Variants in SYT1 observed in about 807,000 individuals in gnomAD.
SYT1 encodes the protein synaptotagmin 1.
A neutral mutation model predicts 44.8 loss-of-function variants in SYT1; 8 were observed. That is an observed-to-expected ratio of 0.18 (90% confidence interval 0.10 to 0.32). The LOEUF (loss-of-function observed/expected upper bound fraction) is 0.32. Ranked by LOEUF, SYT1 falls within the 10% of genes least tolerant of loss-of-function variation. The probability of loss-of-function intolerance (pLI) is 1.00; values close to 1 mark genes in which losing one functional copy is unlikely to be tolerated. For missense variants in SYT1, 286 were observed against 509.3 expected, an observed-to-expected ratio of 0.56 and a Z score of 4.22; for synonymous variants, 154 against 188.8, an observed-to-expected ratio of 0.82 and a Z score of 1.51.
At chr12:79,318,594 C>G (rs1163790529) in intron 8 of SYT1, among the ~76,000 whole-genome samples, 3 of 152,192 alleles carry the variant, frequency 2.0e-5, no homozygotes, top group Admixed American at 6.5e-5. Flanking sequence ...CTCTAGTCAA[C>G]TTTTCTTATT....
intron 9 of SYT1, among the ~76,000 whole-genome samples, chr12:79,437,666 T>C (rs1258145678): frequency 6.6e-6 from 1 of 152,212 alleles, no homozygotes; most frequent in Non-Finnish European, 1.5e-5. Flanking sequence ...GTTTACTTTA[T>C]ATTATTTGTT....
intron 3 of SYT1, among the ~76,000 whole-genome samples, chr12:79,163,737 A>G (rs1871088840): frequency 6.6e-6 from 1 of 152,078 alleles, no homozygotes; most frequent in South Asian, 2.1e-4. Context: ...GCCATCACCA[A>G]TGAATACCCT....
At chr12:79,388,299 T>C (rs986923158) in intron 9 of SYT1, among the ~76,000 whole-genome samples, 3 of 152,200 alleles carry the variant, frequency 2.0e-5, no homozygotes, top group Non-Finnish European at 4.4e-5. Flanking sequence ...CTATGTCCTT[T>C]TCCTCTTCAA....
At chr12:79,062,462 T>G (rs1875463542) in intron 3 of SYT1, among the ~76,000 whole-genome samples, 1 of 152,138 alleles carries the variant, frequency 6.6e-6, no homozygotes, top group Non-Finnish European at 1.5e-5. Flanking sequence ...GGGTGGTGAG[T>G]GCTTATTATC....
chr12:79,040,454 A>G (rs1436604369), intron 2 of SYT1, among the ~76,000 whole-genome samples: 1 of 151,900 alleles, frequency 6.6e-6, no homozygotes, highest in African/African-American at 2.4e-5. Context: ...TCCTTCACCC[A>G]CTTTTTGATG....
chr12:79,053,834 A>C (rs1565784042), intron 3 of SYT1, among the ~76,000 whole-genome samples: 1 of 151,870 alleles, frequency 6.6e-6, no homozygotes, highest in Non-Finnish European at 1.5e-5. Context: ...AAACAACCAA[A>C]GTTGTTGGTT....
chr12:78,870,921 C>T (rs551330731), intron 1 of SYT1, among the ~76,000 whole-genome samples: 1 of 152,128 alleles, frequency 6.6e-6, no homozygotes, highest in South Asian at 2.1e-4. Flanking sequence ...CTTACGTGAA[C>T]ACTTTTAAAA....
chr12:79,377,405 G>C (rs551692438), intron 9 of SYT1, among the ~76,000 whole-genome samples: 14 of 152,222 alleles, frequency 9.2e-5, no homozygotes, highest in African/African-American at 3.1e-4. Flanking sequence ...GTGTTTTAAG[G>C]TGTTTATTTT....
chr12:79,086,268 A>C (rs77141509), intron 3 of SYT1, among the ~76,000 whole-genome samples: 1,587 of 152,140 alleles, frequency 0.01, 20 homozygotes, highest in Middle Eastern at 0.075. Context: ...GTGTATAGGT[A>C]TATGTGTGTG....
At chr12:78,926,295 GC>G (rs764232586) in intron 1 of SYT1, among the ~76,000 whole-genome samples, 2 of 152,054 alleles carry the variant, frequency 1.3e-5, no homozygotes, top group East Asian at 3.9e-4. Flanking sequence ...TAAAGAGAAA[GC>G]TTTGATTCTG....
intron 3 of SYT1, among the ~76,000 whole-genome samples, chr12:79,063,275 T>C (rs1437854195): frequency 6.6e-6 from 1 of 152,178 alleles, no homozygotes; most frequent in Non-Finnish European, 1.5e-5. Context: ...GCTTCTATTT[T>C]ATCAGGGGAG....
At chr12:79,179,067 G>T (rs180673268) in intron 3 of SYT1, among the ~76,000 whole-genome samples, 86 of 23,922 alleles carry the variant, frequency 3.6e-3, no homozygotes, top group Non-Finnish European at 8.6e-3. Flanking sequence ...TATAGATATA[G>T]ATATATAGAT....
intron 3 of SYT1, among the ~76,000 whole-genome samples, chr12:79,113,308 G>A (rs1879111213): frequency 6.6e-6 from 1 of 152,082 alleles, no homozygotes; most frequent in African/African-American, 2.4e-5. Context: ...AAATAAAATA[G>A]GAAAGTATTT....
At chr12:79,120,230 A>C (rs752922100) in intron 3 of SYT1, among the ~76,000 whole-genome samples, 6 of 152,150 alleles carry the variant, frequency 3.9e-5, no homozygotes, top group Non-Finnish European at 8.8e-5. Context: ...TAATTTATAT[A>C]TCAGTTATAA....
At chr12:78,876,904 T>TA in intron 1 of SYT1, among the ~76,000 whole-genome samples, 1 of 112,952 alleles carries the variant, frequency 8.9e-6, no homozygotes, top group African/African-American at 3.3e-5. Flanking sequence ...ATATTATATA[T>TA]TATATGTATT....
At chr12:79,248,121 A>G (rs576827497) in intron 4 of SYT1, among the ~76,000 whole-genome samples, 1 of 152,364 alleles carries the variant, frequency 6.6e-6, no homozygotes, top group Admixed American at 6.5e-5. Context: ...ACATTAAAGT[A>G]GGTGAACTAA....
At chr12:79,369,389 T>A (rs921608435) in intron 9 of SYT1, among the ~76,000 whole-genome samples, 1 of 152,162 alleles carries the variant, frequency 6.6e-6, no homozygotes, top group African/African-American at 2.4e-5. Flanking sequence ...GGCAGGAGGA[T>A]TGCTTGAGCC....
chr12:79,063,060 G>T (rs950241345), intron 3 of SYT1, among the ~76,000 whole-genome samples: 1 of 152,132 alleles, frequency 6.6e-6, no homozygotes, highest in African/African-American at 2.4e-5. Context: ...GCACGTCACG[G>T]TTTACATAGC....
intron 8 of SYT1, among the ~76,000 whole-genome samples, chr12:79,344,990 T>A (rs1882540876): frequency 6.6e-6 from 1 of 152,226 alleles, no homozygotes; most frequent in South Asian, 2.1e-4. Context: ...TAACTTGGTT[T>A]AAGCTGTTCA....
Sources: gnomAD v4.1 joint callset for allele counts (sites outside exome capture counted in the v4.1 genomes callset) on GRCh38, gnomAD v4.1.1 for gene constraint, MANE v1.5 for transcripts, NCBI Gene and HGNC (gene_info 2026-07-23, HGNC 2026-07-21) for gene names.